The following AKAP13 variants were observed in gnomAD, a reference collection of about 807,000 sequenced individuals.
AKAP13 encodes A-kinase anchor protein 13.
Under a neutral mutation model 264.5 loss-of-function variants are expected in AKAP13, and 80 were observed. The ratio of observed to expected loss-of-function variants is 0.30; its 90% CI spans 0.25 to 0.36. The LOEUF is 0.36. Among genes scored for constraint, AKAP13 ranks in the 10% least tolerant of loss-of-function variants. The probability of loss-of-function intolerance (pLI) is 1.00; values close to 1 mark genes in which losing one functional copy is unlikely to be tolerated. For synonymous variants in AKAP13, 1,380 were observed against 1,250.2 expected (o/e 1.10, Z -2.19); for missense variants, 3,712 against 3,435.2 (o/e 1.08, Z -2.01).
chr15:85,510,016 T>C (rs1479138215), intron 2 of AKAP13, among the ~76,000 whole-genome samples: 1 of 152,242 alleles, frequency 6.6e-6, no homozygotes, highest in African/African-American at 2.4e-5. Context: ...GAGAAGACTG[T>C]GGGAGGCCTC....
Position 85,735,596 on chromosome 15 carries a change from T to A in AKAP13, c.7478T>A (p.Leu2493His), listed in dbSNP as rs1013783648. The A allele has an allele frequency of 6.2e-7, 1 of 1,613,374 alleles. No individual in the cohort carries two copies. Among genetic ancestry groups the A allele is most frequent in the Non-Finnish European group, 8.5e-7 (1 of 1,179,804 alleles). The part of the protein sequence containing the change: ...EKEEGDDGQD[L>H]RRTESDSGLK... ...GAAGAGGGAGATGATGGCCAAGATCTTAGGAGAACGGAATCAGATAGTGGC... is the reference window on the plus strand; with the variant it reads ...GAAGAGGGAGATGATGGCCAAGATCATAGGAGAACGGAATCAGATAGTGGC... The change falls in exon 32 of 37, where the codon CTT (leucine) becomes CAT (histidine). Residue 2493 changes from leucine (L) to histidine (H), a missense_variant. Transcript: ENST00000394518.
intron 19 of AKAP13, among the ~76,000 whole-genome samples, chr15:85,713,717 A>G (rs1036447293): frequency 6.6e-6 from 1 of 152,190 alleles, no homozygotes; most frequent in Non-Finnish European, 1.5e-5. Flanking sequence ...TTGGAAATTA[A>G]TGATTATATT....
chr15:85,564,162 G>A (rs10162994), intron 5 of AKAP13, among the ~76,000 whole-genome samples: 101,268 of 152,008 alleles, frequency 0.67, 33,864 homozygotes, highest in Middle Eastern at 0.78. Context: ...CCTTTAGTAA[G>A]TAATAATAAC....
intron 5 of AKAP13, among the ~76,000 whole-genome samples, chr15:85,572,500 C>A (rs1194884607): frequency 1.3e-5 from 2 of 151,260 alleles, no homozygotes; most frequent in Non-Finnish European, 2.9e-5. Flanking sequence ...ATATGTAAAA[C>A]ATGTAGTATA....
At chr15:85,633,158 G>T (rs962935522) in intron 8 of AKAP13, among the ~76,000 whole-genome samples, 1 of 151,978 alleles carries the variant, frequency 6.6e-6, no homozygotes, top group Non-Finnish European at 1.5e-5. Context: ...GTGCCACCGC[G>T]CCCGGCAGAA....
chr15:85,729,806 C>A (rs558617838), intron 29 of AKAP13, among the ~76,000 whole-genome samples: 5 of 152,218 alleles, frequency 3.3e-5, no homozygotes, highest in South Asian at 4.2e-4. Flanking sequence ...CGTGGTGGCA[C>A]ATGCCTGTAA....
At chr15:85,534,369 ACT>A (rs779031494) in intron 4 of AKAP13, 11 of 160,196 alleles carry the variant, frequency 6.9e-5, no homozygotes, top group Admixed American at 1.3e-4. Context: ...GGTTAGTGTC[ACT>A]CTTACTGACT....
At chr15:85,592,991 C>T (rs1419024320) in intron 8 of AKAP13, among the ~76,000 whole-genome samples, 1 of 152,032 alleles carries the variant, frequency 6.6e-6, no homozygotes, top group East Asian at 1.9e-4. Context: ...TAGTTTCTTC[C>T]AGCTCTTAAT....
intron 10 of AKAP13, among the ~76,000 whole-genome samples, chr15:85,652,001 T>C (rs1365321025): frequency 6.6e-6 from 1 of 152,210 alleles, no homozygotes; most frequent in Non-Finnish European, 1.5e-5. Flanking sequence ...CACCAATTCA[T>C]AGTAAGAGCT....
At chr15:85,452,440 ACT>A (rs2074125479) in intron 1 of AKAP13, among the ~76,000 whole-genome samples, 1 of 151,698 alleles carries the variant, frequency 6.6e-6, no homozygotes, top group Non-Finnish European at 1.5e-5. Context: ...GACATATGAC[ACT>A]CTGGCCATTT....
Position 85,445,701 on chromosome 15 carries a change from TAATTAAGGCACAAACAGAGCTAAA to T in AKAP13, c.-11-39989_-11-39966del, listed in dbSNP as rs569082959. ...TCTGTGAAAAAAATCAGTCTGTATT[TAATTAAGGCACAAACAGAGCTAAA>T]AATTAAGGCACAAACAGAGAGAGCT... On this transcript the variant is annotated intron_variant, in intron 1 of 36. Coordinates refer to ENST00000394518, the MANE Select transcript of AKAP13 (RefSeq NM_007200.5). 1.6e-3 allele frequency among the ~76,000 whole-genome samples: 182 copies of T among 114,298 alleles called. 1 individual carries two copies. Among genetic ancestry groups the T allele is most frequent in the African/African-American group, 6.6e-3 (175 of 26,556 alleles). The allele number at this position is 114,298 out of a possible 152,430, so 75.0% of individuals were successfully genotyped here.
intron 8 of AKAP13, among the ~76,000 whole-genome samples, chr15:85,627,170 C>G (rs1228922989): frequency 6.6e-6 from 1 of 152,130 alleles, no homozygotes; most frequent in African/African-American, 2.4e-5. Context: ...TCTGTTATCT[C>G]AAGAACAAAT....
intron 2 of AKAP13, among the ~76,000 whole-genome samples, chr15:85,505,906 C>T (rs2151104389): frequency 6.6e-6 from 1 of 152,262 alleles, no homozygotes; most frequent in Admixed American, 6.5e-5. Context: ...TTAAGGGCAA[C>T]TGAGCTAAAA....
intron 5 of AKAP13, among the ~76,000 whole-genome samples, chr15:85,545,842 A>G (rs2077716972): frequency 6.6e-6 from 1 of 152,132 alleles, no homozygotes; most frequent in Non-Finnish European, 1.5e-5. Context: ...TTCTTTTCCT[A>G]TATACATAAC....
At chr15:85,602,956 A>C (rs1225979528) in intron 8 of AKAP13, among the ~76,000 whole-genome samples, 1 of 152,212 alleles carries the variant, frequency 6.6e-6, no homozygotes, top group Admixed American at 6.5e-5. Context: ...GTCTCATCAG[A>C]AATGTCTTTA....
chr15:85,563,255 G>C lies in AKAP13; in HGVS notation c.663-11876G>C, dbSNP rs183446078. Among the ~76,000 whole-genome samples the C allele has an allele frequency of 5.1e-4, 77 of 151,324 alleles. 1 individual carries two copies. The stretch of plus-strand genomic sequence containing the variant: ...TTGGTGTCAATTTTGTGAACAATAT[G>C]GTGAGCAATGTGGGCATGCCATTTT... On this transcript the variant is annotated intron_variant, in intron 5 of 36. Coordinates refer to ENST00000394518, the MANE Select transcript of AKAP13 (RefSeq NM_007200.5).
At chr15:85,513,689 C>T (rs2076516191) in intron 2 of AKAP13, among the ~76,000 whole-genome samples, 1 of 152,214 alleles carries the variant, frequency 6.6e-6, no homozygotes, top group Non-Finnish European at 1.5e-5. Flanking sequence ...TTTGTAATCA[C>T]AGCAGGGTAG....
At chr15:85,712,863 T>A (rs574735213) in intron 19 of AKAP13, among the ~76,000 whole-genome samples, 229 of 152,272 alleles carry the variant, frequency 1.5e-3, no homozygotes, top group African/African-American at 5.4e-3. Context: ...ATATTCTTAT[T>A]CCTGTTGTAC....
At position 85,483,632 on chromosome 15, in the gene AKAP13, C is replaced by CAAAAAAA. The variant is rs35648447; in HGVS notation, c.-11-2065_-11-2059dup. On this transcript the variant is annotated intron_variant, in intron 1 of 36. Coordinates refer to ENST00000394518, the MANE Select transcript of AKAP13 (RefSeq NM_007200.5). ...TGGGCGACAGAGCGAGACTCCGTCT[C>CAAAAAAA]AAAAAAAAAAAAAAAAAAACACCAA... is the stretch of plus-strand genomic sequence containing the variant. Among the ~76,000 whole-genome samples the CAAAAAAA allele has an allele frequency of 6.9e-4, 40 of 57,984 alleles. 1 individual carries two copies. Among genetic ancestry groups the CAAAAAAA allele is most frequent in the Non-Finnish European group, 1.0e-3 (33 of 32,172 alleles). 38.0% of individuals were successfully genotyped at this position (57,984 alleles called of 152,430 possible).
Sources: gnomAD v4.1 joint callset for allele counts (sites outside exome capture counted in the v4.1 genomes callset) on GRCh38, gnomAD v4.1.1 for gene constraint, MANE v1.5 for transcripts, NCBI Gene and HGNC (gene_info 2026-07-23, HGNC 2026-07-21) for gene names.